The following ZFHX4 variants were observed in gnomAD, a reference collection of about 807,000 sequenced individuals.
ZFHX4 encodes zinc finger homeobox 4.
A neutral mutation model predicts 267.6 loss-of-function variants in ZFHX4; 56 were observed. That is an observed-to-expected ratio of 0.21 (90% CI 0.17 to 0.26). The LOEUF is 0.26. Among genes scored for constraint, ZFHX4 ranks in the 10% least tolerant of loss-of-function variants. The probability of loss-of-function intolerance (pLI) is 1.00; values close to 1 mark genes in which losing one functional copy is unlikely to be tolerated. For synonymous variants in ZFHX4, 1,778 were observed against 1,665.6 expected, an observed-to-expected ratio of 1.07 and a Z score of -1.64; for missense variants, 4,332 against 4,420.0, an observed-to-expected ratio of 0.98 and a Z score of 0.56.
At chr8:76,819,142 GTTTTTTT>G (rs11361228) in intron 4 of ZFHX4, among the ~76,000 whole-genome samples, 2 of 127,614 alleles carry the variant, frequency 1.6e-5, no homozygotes, top group African/African-American at 2.9e-5. Flanking sequence ...GCTCATAAAG[GTTTTTTT>G]TTTTTTTTTT....
chr8:76,786,625 C>A (rs13439790), intron 4 of ZFHX4, among the ~76,000 whole-genome samples: 2,530 of 151,828 alleles, frequency 0.017, 27 homozygotes, highest in Middle Eastern at 0.031. Context: ...TGATAACCAA[C>A]CCAAAAAATA....
rs1363038177 is a variant in ZFHX4, at chr8:76,850,906, A to C, written c.3985A>C (p.Lys1329Gln). Residue 1329 changes from lysine to glutamine, a missense_variant, in exon 10 of 11, where the codon AAA (lysine) becomes CAA (glutamine). Coordinates refer to ENST00000651372, the MANE Select transcript of ZFHX4 (RefSeq NM_024721.5). ...AATAGGTGAAAGTCCAATGGATGAC[A>C]AAAGCATGGCAGGTCTCGAGGATTC... ...KYSGESPMDD[K>Q]SMAGLEDSKA... The C allele has an allele frequency of 6.2e-7, 1 of 1,607,982 alleles. No individual in the cohort carries two copies. Among genetic ancestry groups the C allele is most frequent in the Non-Finnish European group, 8.5e-7 (1 of 1,177,296 alleles).
chr8:76,761,496 T>C (rs1809911678), intron 3 of ZFHX4, among the ~76,000 whole-genome samples: 1 of 152,228 alleles, frequency 6.6e-6, no homozygotes, highest in Non-Finnish European at 1.5e-5. Context: ...TACATTTCTT[T>C]TCTTTTACTT....
chr8:76,701,644 G>A (rs537732237), intron 1 of ZFHX4, among the ~76,000 whole-genome samples: 1 of 152,282 alleles, frequency 6.6e-6, no homozygotes, highest in Admixed American at 6.5e-5. Context: ...CATTTAGAAT[G>A]TGTGTAATAA....
At position 76,865,944 on chromosome 8, in the gene ZFHX4, A is replaced by G. The variant is rs1813015754; in HGVS notation, c.*1379A>G. Reference sequence around the variant, plus strand: ...CAACATTTGCTGCTACTGTGTTAACATTTTTGTTTTGCTTGCCATGAATTT... The same window carrying G: ...CAACATTTGCTGCTACTGTGTTAACGTTTTTGTTTTGCTTGCCATGAATTT... On this transcript the variant is annotated 3_prime_UTR_variant, in exon 11 of 11. Transcript: ENST00000651372. 1 of 152,552 alleles carries G rather than the reference A, an allele frequency of 6.6e-6. No homozygotes were observed. The highest frequency in any genetic ancestry group is 1.5e-5 in the Non-Finnish European group (1 of 68,026). The allele number at this position is 152,552 out of a possible 1,614,324, so 9.4% of individuals were successfully genotyped here.
Position 76,855,840 on chromosome 8 carries a change from C to G in ZFHX4, c.8919C>G (p.Val2973=), listed in dbSNP as rs1440319872. The G allele has an allele frequency of 2.5e-6, 4 of 1,613,688 alleles. No homozygotes were observed. The highest frequency in any genetic ancestry group is 3.4e-6 in the Non-Finnish European group (4 of 1,179,864). ...GNEIGLPKRV[V]QVWFQNARAK... ...AGATTGGTCTGCCCAAACGCGTAGTCCAGGTGTGGTTCCAAAATGCAAGGG... is the reference window on the plus strand; with the variant it reads ...AGATTGGTCTGCCCAAACGCGTAGTGCAGGTGTGGTTCCAAAATGCAAGGG... The change falls in exon 10 of 11, where the codon GTC becomes GTG. Residue 2973 remains valine, a synonymous_variant. Transcript: ENST00000651372.
chr8:76,706,160 G>C lies in ZFHX4; in HGVS notation c.2072G>C (p.Ser691Thr), dbSNP rs1160535966. Residue 691 changes from serine to threonine, a missense_variant, in exon 2 of 11, where the codon AGT becomes ACT. By Grantham distance (58) the Ser-to-Thr change is moderately conservative. This residue lies in a region of ZFHX4 where 1,195 missense variants were observed against 1,173.6 expected (regional missense o/e 1.02). Transcript: ENST00000651372. ...QPHPRLARGE[S>T]YTCGYKPFRC... Reference sequence around the variant, plus strand: ...CACCCCAGGCTTGCCCGGGGTGAGAGTTACACGTGTGGCTATAAACCCTTC... The same window carrying C: ...CACCCCAGGCTTGCCCGGGGTGAGACTTACACGTGTGGCTATAAACCCTTC... The C allele has an allele frequency of 6.2e-7, 1 of 1,614,090 alleles. No homozygotes were observed. The highest frequency in any genetic ancestry group is 1.1e-5 in the South Asian group (1 of 91,078).
intron 4 of ZFHX4, among the ~76,000 whole-genome samples, chr8:76,812,133 A>G (rs144068710): frequency 6.6e-6 from 1 of 152,230 alleles, no homozygotes; most frequent in African/African-American, 2.4e-5. Flanking sequence ...AAAAACATCT[A>G]GGGCATCAAC....
At chr8:76,718,610 T>C (rs1585879070) in intron 3 of ZFHX4, among the ~76,000 whole-genome samples, 1 of 152,268 alleles carries the variant, frequency 6.6e-6, no homozygotes, top group East Asian at 1.9e-4. Flanking sequence ...AAAATAGTCT[T>C]GGCTCTCTTA....
chr8:76,766,668 T>A (rs117575700), intron 3 of ZFHX4, among the ~76,000 whole-genome samples: 2,257 of 152,104 alleles, frequency 0.015, 31 homozygotes, highest in Non-Finnish European at 0.024. Context: ...GAAAATTTAA[T>A]TTATTTTTCC....
intron 1 of ZFHX4, among the ~76,000 whole-genome samples, chr8:76,683,629 A>C (rs1807610070): frequency 1.4e-5 from 2 of 145,230 alleles, no homozygotes; most frequent in African/African-American, 5.4e-5. Context: ...GAGAGGAGAG[A>C]GGAAGAGAGA....
chr8:76,689,590 C>A (rs1297108976), intron 1 of ZFHX4, among the ~76,000 whole-genome samples: 1 of 152,062 alleles, frequency 6.6e-6, no homozygotes, highest in African/African-American at 2.4e-5. Context: ...GGCTCGATGG[C>A]ATTATATTCT....
intron 3 of ZFHX4, among the ~76,000 whole-genome samples, chr8:76,730,992 A>C: frequency 6.6e-6 from 1 of 152,180 alleles, no homozygotes; most frequent in African/African-American, 2.4e-5. Flanking sequence ...TCCCAGGATC[A>C]TACAGATATT....
chr8:76,686,176 T>C (rs147990829), intron 1 of ZFHX4, among the ~76,000 whole-genome samples: 2 of 152,294 alleles, frequency 1.3e-5, no homozygotes, highest in African/African-American at 4.8e-5. Context: ...TTCCATTCAG[T>C]GTGAAATGTT....
At chr8:76,848,169 T>A (rs1472466966) in intron 6 of ZFHX4, among the ~76,000 whole-genome samples, 1 of 152,196 alleles carries the variant, frequency 6.6e-6, no homozygotes, top group Non-Finnish European at 1.5e-5. Flanking sequence ...ATGAGATGTA[T>A]GTGACATGCC....
At chr8:76,862,703 A>G (rs1812901971) in intron 10 of ZFHX4, among the ~76,000 whole-genome samples, 1 of 152,160 alleles carries the variant, frequency 6.6e-6, no homozygotes, top group African/African-American at 2.4e-5. Context: ...GCCTTCCCAG[A>G]GGTATAGTAA....
rs533545483 is a variant in ZFHX4, at chr8:76,838,269, G to T, written c.3395-4386G>T. Among the ~76,000 whole-genome samples the T allele has an allele frequency of 2.2e-4, 34 of 152,240 alleles. No homozygotes were observed. In the South Asian group the frequency reaches 6.6e-3, roughly 30 times the overall value. ...TTCTCAGGTTCAGCTCTAGACCTAC[G>T]ACATTATAACCTTTCAAGATGGGGT... is the stretch of plus-strand genomic sequence containing the variant. On this transcript the variant is annotated intron_variant, in intron 5 of 10. Coordinates refer to ENST00000651372, the MANE Select transcript of ZFHX4 (RefSeq NM_024721.5).
At chr8:76,803,263 CGTGTGTGTGTGT>C (rs112457236) in intron 4 of ZFHX4, among the ~76,000 whole-genome samples, 2 of 147,440 alleles carry the variant, frequency 1.4e-5, no homozygotes, top group Non-Finnish European at 3.0e-5. Flanking sequence ...CGCGTGTGTG[CGTGTGTGTGTGT>C]GTGTGTGTGG....
intron 6 of ZFHX4, among the ~76,000 whole-genome samples, chr8:76,845,558 T>G (rs1812343086): frequency 6.6e-6 from 1 of 152,110 alleles, no homozygotes; most frequent in Non-Finnish European, 1.5e-5. Context: ...ATCTGTTATA[T>G]CCAAGTTTTA....
Sources: allele counts gnomAD v4.1 joint callset (sites outside exome capture counted in the v4.1 genomes callset), GRCh38; gene constraint gnomAD v4.1.1; regional missense constraint gnomAD v4.1.1; transcripts MANE v1.5; gene names NCBI Gene and HGNC (gene_info 2026-07-23, HGNC 2026-07-21).